The following USH2A variants were observed in gnomAD, a reference collection of about 807,000 sequenced individuals.
USH2A encodes the protein usherin, also known as Usher syndrome 2A (autosomal recessive, mild).
A neutral mutation model predicts 538.9 loss-of-function variants in USH2A; 443 were observed. The observed-to-expected ratio is 0.82, with a 90% CI of 0.76 to 0.89. USH2A has a LOEUF of 0.89. Ranked by LOEUF, USH2A falls within the 40% of genes least tolerant of loss-of-function variation. The probability of loss-of-function intolerance (pLI) is 0.00; values close to 1 mark genes in which losing one functional copy is unlikely to be tolerated. For missense variants in USH2A, 6,633 were observed against 6,324.8 expected, an observed-to-expected ratio of 1.05 and a Z score of -1.65; for synonymous variants, 2,413 against 2,273.5, an observed-to-expected ratio of 1.06 and a Z score of -1.75.
chr1:216,373,996 C>G (rs147055534), intron 3 of USH2A, among the ~76,000 whole-genome samples: 2 of 151,012 alleles, frequency 1.3e-5, no homozygotes, highest in Non-Finnish European at 2.9e-5. Flanking sequence ...AGCAAACTAT[C>G]GCAAGGACAA....
At chr1:216,212,194 C>G (rs2035255758) in intron 15 of USH2A, among the ~76,000 whole-genome samples, 1 of 152,180 alleles carries the variant, frequency 6.6e-6, no homozygotes, top group African/African-American at 2.4e-5. Context: ...TCTTCACACA[C>G]AGAGGCTCTT....
At chr1:216,242,345 G>C (rs1179501276) in intron 13 of USH2A, among the ~76,000 whole-genome samples, 2 of 149,690 alleles carry the variant, frequency 1.3e-5, no homozygotes, top group Non-Finnish European at 1.5e-5. Flanking sequence ...GACAGAGCTA[G>C]ACTCCATCTC....
chr1:215,817,702 C>T (rs1662898182), intron 47 of USH2A, among the ~76,000 whole-genome samples: 1 of 151,942 alleles, frequency 6.6e-6, no homozygotes, highest in Non-Finnish European at 1.5e-5. Context: ...CTCTTTCTTT[C>T]CGCTAAACAT....
chr1:216,130,788 T>C (rs900010891), intron 21 of USH2A, among the ~76,000 whole-genome samples: 1 of 151,474 alleles, frequency 6.6e-6, no homozygotes, highest in Non-Finnish European at 1.5e-5. Flanking sequence ...TGTGCAAGTA[T>C]CTTTTTCATA....
At position 215,634,721 on chromosome 1, in the gene USH2A, A is replaced by C. The variant is rs138178390; in HGVS notation, c.15053-18T>G. The C allele has an allele frequency of 2.6e-4, 412 of 1,614,230 alleles. 1 individual carries two copies. The African/African-American group carries it at 4.9e-3, about 19-fold the overall frequency. Reference sequence around the variant, plus strand: ...GACCAAGCCTGCAAAACCCAGAGAAAGAAAGGGGAAATGTTATTTCAGAAA... The same window carrying C: ...GACCAAGCCTGCAAAACCCAGAGAACGAAAGGGGAAATGTTATTTCAGAAA... On this transcript the variant is annotated intron_variant, in intron 69 of 71. Coordinates refer to ENST00000307340, the MANE Select transcript of USH2A (RefSeq NM_206933.4).
intron 30 of USH2A, among the ~76,000 whole-genome samples, chr1:216,050,867 A>C (rs994294904): frequency 5.3e-5 from 8 of 151,590 alleles, no homozygotes; most frequent in Non-Finnish European, 1.0e-4. Context: ...GGCCTCCCAA[A>C]GTGCTGGGAT....
intron 13 of USH2A, among the ~76,000 whole-genome samples, chr1:216,236,879 T>C (rs1385343597): frequency 6.6e-6 from 1 of 152,168 alleles, no homozygotes; most frequent in Non-Finnish European, 1.5e-5. Context: ...TCATAAATAA[T>C]CCAATTTTTC....
intron 41 of USH2A, among the ~76,000 whole-genome samples, chr1:215,887,047 CG>C (rs1665075618): frequency 6.6e-6 from 1 of 151,944 alleles, no homozygotes; most frequent in Non-Finnish European, 1.5e-5. Flanking sequence ...TTAGTAGAGA[CG>C]GGGTTTCACT....
chr1:216,404,151 A>G (rs561877976), intron 3 of USH2A, among the ~76,000 whole-genome samples: 24 of 152,316 alleles, frequency 1.6e-4, no homozygotes, highest in African/African-American at 5.8e-4. Flanking sequence ...ATAAAAGAGG[A>G]CCTAAATGGT....
chr1:216,343,011 T>A (rs1003406352), intron 4 of USH2A, among the ~76,000 whole-genome samples: 2 of 152,004 alleles, frequency 1.3e-5, no homozygotes, highest in African/African-American at 4.8e-5. Context: ...AAATTTTTTT[T>A]AAGTTATTAT....
chr1:216,081,227 G>C (rs1261231599), intron 26 of USH2A, among the ~76,000 whole-genome samples: 2 of 152,064 alleles, frequency 1.3e-5, no homozygotes, highest in African/African-American at 4.8e-5. Context: ...AGTGGCTCAG[G>C]TAAGGAGCAA....
At chr1:216,267,842 G>C (rs902852209) in intron 11 of USH2A, among the ~76,000 whole-genome samples, 3 of 152,012 alleles carry the variant, frequency 2.0e-5, no homozygotes, top group African/African-American at 7.2e-5. Flanking sequence ...ATCATCCATT[G>C]ATCCCACAGT....
rs138846988 is a variant in USH2A, at chr1:215,870,210, G to A, written c.8682-3040C>T. On this transcript the variant is annotated intron_variant, in intron 43 of 71. Transcript: ENST00000307340. ...ATCAGTAGATATTTCATTTGAGGCC[G>A]TACATTTGTCTTTTGTACTTTAACT... is the stretch of plus-strand genomic sequence containing the variant. Among the ~76,000 whole-genome samples the A allele has an allele frequency of 9.9e-3, 1,496 of 151,870 alleles. 22 individuals carry two copies. The highest frequency in any genetic ancestry group is 0.033 in the African/African-American group (1,381 of 41,416).
intron 4 of USH2A, among the ~76,000 whole-genome samples, chr1:216,353,803 C>A (rs971098844): frequency 6.6e-6 from 1 of 152,034 alleles, no homozygotes; most frequent in Non-Finnish European, 1.5e-5. Flanking sequence ...CCAAAACAAG[C>A]CAGATAAGCC....
At chr1:216,035,693 C>T (rs1558223852) in intron 32 of USH2A, among the ~76,000 whole-genome samples, 1 of 152,054 alleles carries the variant, frequency 6.6e-6, no homozygotes, top group Non-Finnish European at 1.5e-5. Flanking sequence ...AAATTGTTTA[C>T]CAAGTTTAGC....
intron 41 of USH2A, among the ~76,000 whole-genome samples, chr1:215,882,703 T>C (rs1448213146): frequency 1.3e-5 from 2 of 152,118 alleles, no homozygotes; most frequent in African/African-American, 4.8e-5. Context: ...TTTTAAAAAC[T>C]TTTCACAGAA....
chr1:215,954,015 T>C (rs1666997821), intron 37 of USH2A, among the ~76,000 whole-genome samples: 2 of 152,138 alleles, frequency 1.3e-5, no homozygotes, highest in Non-Finnish European at 2.9e-5. Flanking sequence ...CACAATGAGA[T>C]ACCATCTGAC....
chr1:215,729,959 C>A (rs189473481), intron 60 of USH2A, among the ~76,000 whole-genome samples: 6 of 152,274 alleles, frequency 3.9e-5, no homozygotes, highest in Non-Finnish European at 8.8e-5. Flanking sequence ...AGTCAAATTC[C>A]TTTTAGATGT....
chr1:215,878,005 A>C, intron 42 of USH2A, 125 bp from the exon 43 acceptor site: 5 of 1,349,458 alleles, frequency 3.7e-6, no homozygotes, highest in Non-Finnish European at 5.2e-6. Context: ...TAACATCTTA[A>C]GTTTACAGTT....
Sources: gnomAD v4.1 joint callset for allele counts (sites outside exome capture counted in the v4.1 genomes callset) on GRCh38, gnomAD v4.1.1 for gene constraint, MANE v1.5 for transcripts, NCBI Gene and HGNC (gene_info 2026-07-23, HGNC 2026-07-21) for gene names.